ANPEP: variants seen among roughly 807,000 people sequenced by gnomAD.
ANPEP encodes alanyl aminopeptidase, membrane.
Under a neutral mutation model 114.6 loss-of-function variants are expected in ANPEP, and 70 were observed. The observed-to-expected ratio is 0.61, with a 90% CI of 0.50 to 0.75. The LOEUF is 0.75. ANPEP is among the 30% of genes least tolerant of loss of function. The pLI is 0.00. For synonymous variants in ANPEP, 548 were observed against 522.3 expected (o/e 1.05, Z -0.67); for missense variants, 1,184 against 1,259.5 (o/e 0.94, Z 0.91).
At chr15:89,800,269 A>C (rs1322284455) in intron 12 of ANPEP, among the ~76,000 whole-genome samples, 1 of 152,068 alleles carries the variant, frequency 6.6e-6, no homozygotes. Context: ...CTCTTCCTCT[A>C]AGACTCAGCT....
In ANPEP at chr15:89,806,537, A is replaced by G; in HGVS notation, c.47T>C (p.Ile16Thr). ...YISKSLGILGILLGVAAVCTI... is the reference protein window; with the variant it reads ...YISKSLGILGTLLGVAAVCTI... ...GCACACGGCTGCCACGCCCAGGAGG[A>G]TCCCCAGGATGCCCAGGGACTTGGA... The change falls in exon 2 of 21, where the codon ATC becomes ACC. Residue 16 changes from isoleucine to threonine, a missense_variant. By Grantham distance (89) the Ile-to-Thr change is moderately conservative. Coordinates refer to ENST00000300060, the MANE Select transcript of ANPEP (RefSeq NM_001150.3). This position sits in a 1 kb window ranked among gnomAD's most constrained non-coding sequence, Gnocchi z 5.7. 6.2e-7 allele frequency: 1 copy of G among 1,612,082 alleles called. No individual in the cohort carries two copies. The highest frequency in any genetic ancestry group is 8.5e-7 in the Non-Finnish European group (1 of 1,178,522).
chr15:89,810,742 G>T (rs1004027919), intron 1 of ANPEP, among the ~76,000 whole-genome samples: 3 of 152,240 alleles, frequency 2.0e-5, no homozygotes, highest in African/African-American at 7.2e-5. Context: ...AACACCCACA[G>T]TCCTTGCCGT....
At chr15:89,793,935 C>G (rs1336479287) in intron 15 of ANPEP, among the ~76,000 whole-genome samples, 3 of 152,146 alleles carry the variant, frequency 2.0e-5, no homozygotes, top group Admixed American at 2.0e-4. Context: ...CTAGTAAAAT[C>G]CTTTGTGGAC....
chr15:89,793,454 A>G (rs569061402), intron 15 of ANPEP, among the ~76,000 whole-genome samples: 1 of 152,320 alleles, frequency 6.6e-6, no homozygotes, highest in African/African-American at 2.4e-5. Context: ...TAATTCCAGC[A>G]TTTTGAGAGG....
rs756753459 is a variant in ANPEP, at chr15:89,792,346, G to T, written c.2361-19C>A. Reference sequence around the variant, plus strand: ...GTGGATCCTGGTGTGGGGTAGGGAGGTCAGGTGTGGAACAGCAGCGGGGAG... The same window carrying T: ...GTGGATCCTGGTGTGGGGTAGGGAGTTCAGGTGTGGAACAGCAGCGGGGAG... On this transcript the variant is annotated intron_variant, in intron 17 of 20. Transcript: ENST00000300060. 27 of 1,613,534 alleles carry T rather than the reference G, an allele frequency of 1.7e-5. No individual in the cohort carries two copies. Among genetic ancestry groups the T allele is most frequent in the Non-Finnish European group, 2.3e-5 (27 of 1,179,842 alleles).
Position 89,785,344 on chromosome 15 carries a change from G to C in ANPEP, c.*5C>G. 1 of 1,614,136 alleles carries C rather than the reference G, an allele frequency of 6.2e-7. No individual in the cohort carries two copies. Among genetic ancestry groups the C allele is most frequent in the African/African-American group, 1.3e-5 (1 of 75,054 alleles). On this transcript the variant is annotated 3_prime_UTR_variant, in exon 21 of 21. Transcript: ENST00000300060. The stretch of plus-strand genomic sequence containing the variant: ...TGGGGGCCGGGTGACTTCAAGGGCT[G>C]GGGACTATTTGCTGTTTTCTGTGAA...
intron 20 of ANPEP, among the ~76,000 whole-genome samples, chr15:89,789,853 G>A (rs1968583558): frequency 6.6e-6 from 1 of 150,398 alleles, no homozygotes; most frequent in African/African-American, 2.5e-5. Context: ...GGCAGATCAT[G>A]AGGTCAGGAG....
At position 89,801,507 on chromosome 15, in the gene ANPEP, C is replaced by T. The variant is rs1339120057; in HGVS notation, c.1670G>A (p.Ser557Asn). 1 of 1,614,236 alleles carries T rather than the reference C, an allele frequency of 6.2e-7. No homozygotes were observed. The highest frequency in any genetic ancestry group is 8.5e-7 in the Non-Finnish European group (1 of 1,180,040). The change falls in exon 11 of 21, where the codon AGC becomes AAC. Residue 557 changes from serine (S) to asparagine (N), a missense_variant. Coordinates refer to ENST00000300060, the MANE Select transcript of ANPEP (RefSeq NM_001150.3). ...GTGCTCCTGGGAAAGGGTCCCCGTGCTGGTATCCACCGTGATGACCGGGAA... is the reference window on the plus strand; with the variant it reads ...GTGCTCCTGGGAAAGGGTCCCCGTGTTGGTATCCACCGTGATGACCGGGAA... ...MGFPVITVDT[S>N]TGTLSQEHFL...
rs1894633960 is a variant in ANPEP, at chr15:89,803,347, C to T, written c.1504-43G>A. 3 of 1,612,400 alleles carry T rather than the reference C, an allele frequency of 1.9e-6. No individual in the cohort carries two copies. Among genetic ancestry groups the T allele is most frequent in the African/African-American group, 1.3e-5 (1 of 74,900 alleles). The stretch of plus-strand genomic sequence containing the variant: ...ACAGTGAGAGCACAGCTGGAGCCCC[C>T]CAGGCTCCCCCTCTGTGGTGGGCAG... On this transcript the variant is annotated intron_variant, in intron 9 of 20. Coordinates refer to ENST00000300060, the MANE Select transcript of ANPEP (RefSeq NM_001150.3). This position sits in a 1 kb window ranked among gnomAD's most constrained non-coding sequence, Gnocchi z 4.2.
Position 89,790,440 on chromosome 15 carries a change from T to C in ANPEP, c.2751+20A>G. ...GGGAAGGAAGTAGGCAGAGCCCAGGTCTGGGGAATGACTTCTTACCTGCTG... is the reference window on the plus strand; with the variant it reads ...GGGAAGGAAGTAGGCAGAGCCCAGGCCTGGGGAATGACTTCTTACCTGCTG... On this transcript the variant is annotated intron_variant, in intron 20 of 20. Coordinates refer to ENST00000300060, the MANE Select transcript of ANPEP (RefSeq NM_001150.3). 1 of 1,609,590 alleles carries C rather than the reference T, an allele frequency of 6.2e-7. No homozygotes were observed. Among genetic ancestry groups the C allele is most frequent in the Non-Finnish European group, 8.5e-7 (1 of 1,176,136 alleles).
intron 16 of ANPEP, among the ~76,000 whole-genome samples, 184 bp downstream of exon 16, chr15:89,792,849 TAA>T (rs1479679099): frequency 3.3e-5 from 5 of 152,164 alleles, no homozygotes; most frequent in Non-Finnish European, 5.9e-5. Flanking sequence ...GGTCTTTGTA[TAA>T]AGAGGTCCGA....
At position 89,790,889 on chromosome 15, in the gene ANPEP, A is replaced by C. The variant is rs1968608161; in HGVS notation, c.2669+64T>G. The C allele has an allele frequency of 6.3e-6, 10 of 1,584,178 alleles. 1 individual carries two copies. In the South Asian group the frequency reaches 1.1e-4, roughly 17 times the overall value. On this transcript the variant is annotated intron_variant, in intron 19 of 20. Transcript: ENST00000300060. ...TGCCCCCGGCGTGTCTTACCCGCAC[A>C]GGCCACCCCCCGGGGCCCCAGCCTC...
intron 19 of ANPEP, among the ~76,000 whole-genome samples, 196 bp from the exon 20 acceptor site, chr15:89,790,737 G>A (rs1468579169): frequency 6.6e-6 from 1 of 152,138 alleles, no homozygotes; most frequent in Non-Finnish European, 1.5e-5. Context: ...CTCTTCTGGA[G>A]AATACGCCCA....
At chr15:89,805,054 G>A in intron 4 of ANPEP, 24 bp downstream of exon 4, 1 of 1,613,926 alleles carries the variant, frequency 6.2e-7, no homozygotes, top group Non-Finnish European at 8.5e-7. Flanking sequence ...CCCACGTGAA[G>A]GAGAGATGGG....
Position 89,797,629 on chromosome 15 carries a change from G to C in ANPEP, c.2103C>G (p.Ser701Arg). 1 of 1,614,134 alleles carries C rather than the reference G, an allele frequency of 6.2e-7. No homozygotes were observed. The highest frequency in any genetic ancestry group is 8.5e-7 in the Non-Finnish European group (1 of 1,180,028). Residue 701 changes from serine to arginine, a missense_variant, in exon 15 of 21, where the codon AGC (serine) becomes AGG (arginine). Transcript: ENST00000300060. ...QYMPWEAALS[S>R]LSYFKLMFDR... The stretch of plus-strand genomic sequence containing the variant: ...CAAACATGAGCTTGAAGTAGCTCAG[G>C]CTGCTCAGGGCGGCCTCCCAGGGCA...
intron 18 of ANPEP, among the ~76,000 whole-genome samples, chr15:89,791,735 G>A (rs1188423099): frequency 1.3e-5 from 2 of 151,802 alleles, no homozygotes; most frequent in African/African-American, 2.4e-5. Flanking sequence ...TTACAGGTAT[G>A]AGCCACCACA....
Position 89,792,143 on chromosome 15 carries a change from C to T in ANPEP, c.2528+17G>A. The T allele has an allele frequency of 1.2e-6, 2 of 1,609,154 alleles. No individual in the cohort carries two copies. The highest frequency in any genetic ancestry group is 1.7e-6 in the Non-Finnish European group (2 of 1,176,808). ...GGGGAGAGGGCTCTCGCAGTCCCAC[C>T]CTGCGCCAAGACTCACCTGTTCAGG... On this transcript the variant is annotated intron_variant, in intron 18 of 20. Coordinates refer to ENST00000300060, the MANE Select transcript of ANPEP (RefSeq NM_001150.3).
chr15:89,812,603 G>T (rs571409882), intron 1 of ANPEP, among the ~76,000 whole-genome samples: 4 of 152,210 alleles, frequency 2.6e-5, no homozygotes, highest in East Asian at 3.9e-4. Context: ...TAGGGTTTGT[G>T]TGGGGCCACA....
intron 1 of ANPEP, among the ~76,000 whole-genome samples, chr15:89,812,488 C>T (rs1192220235): frequency 1.3e-5 from 2 of 152,182 alleles, no homozygotes; most frequent in African/African-American, 4.8e-5. Flanking sequence ...CTGCAAGAAC[C>T]TCAGAAGGCC....
Sources: allele counts gnomAD v4.1 joint callset (sites outside exome capture counted in the v4.1 genomes callset), GRCh38; gene constraint gnomAD v4.1.1; non-coding constraint Gnocchi (gnomAD v3.1); transcripts MANE v1.5; gene names NCBI Gene and HGNC (gene_info 2026-07-23, HGNC 2026-07-21).